Variants in NUP98 observed in about 807,000 individuals in gnomAD.
NUP98 encodes nucleoporin 98 and 96 precursor.
A neutral mutation model predicts 191.9 loss-of-function variants in NUP98; 26 were observed. The observed-to-expected ratio is 0.14, with a 90% CI of 0.10 to 0.19. The LOEUF is 0.19. NUP98 is among the 10% of genes least tolerant of loss of function. The probability of loss-of-function intolerance (pLI) is 1.00; values close to 1 mark genes in which losing one functional copy is unlikely to be tolerated. For missense variants in NUP98, 1,941 were observed against 2,178.8 expected, an observed-to-expected ratio of 0.89 and a Z score of 2.17; for synonymous variants, 808 against 778.4, an observed-to-expected ratio of 1.04 and a Z score of -0.63.
intron 11 of NUP98, among the ~76,000 whole-genome samples, chr11:3,748,586 C>T (rs2080600339): frequency 6.6e-6 from 1 of 152,278 alleles, no homozygotes; most frequent in African/African-American, 2.4e-5. Context: ...AGGCAGATCA[C>T]CTGAGGTCAG....
intron 8 of NUP98, among the ~76,000 whole-genome samples, chr11:3,763,525 A>T (rs1330325398): frequency 6.6e-6 from 1 of 152,166 alleles, no homozygotes; most frequent in Non-Finnish European, 1.5e-5. Context: ...AAATAAATCA[A>T]CACGGACCGA....
At chr11:3,722,902 A>G (rs1234079664) in intron 16 of NUP98, among the ~76,000 whole-genome samples, 1 of 152,218 alleles carries the variant, frequency 6.6e-6, no homozygotes, top group Admixed American at 6.5e-5. Context: ...CTTTGGCTAT[A>G]AAATTTGGGT....
chr11:3,680,162 A>G (rs2077940556), intron 30 of NUP98, among the ~76,000 whole-genome samples: 1 of 152,160 alleles, frequency 6.6e-6, no homozygotes, highest in Non-Finnish European at 1.5e-5. Context: ...TGGCTATGCT[A>G]ATTTCTTAAA....
chr11:3,705,422 T>C lies in NUP98; in HGVS notation c.2926-66A>G, dbSNP rs1480791362. ...ATCAAAAGGCCATACCAAAAAAAAA[T>C]GCAGTTTACAACAACCAAAAATATT... On this transcript the variant is annotated intron_variant, in intron 21 of 32. Coordinates refer to ENST00000324932, the MANE Select transcript of NUP98 (RefSeq NM_016320.5). 14 of 1,534,160 alleles carry C rather than the reference T, an allele frequency of 9.1e-6. No homozygotes were observed. In the Middle Eastern group the frequency reaches 6.0e-4, roughly 66 times the overall value.
At chr11:3,765,494 C>T (rs2134549866) in intron 8 of NUP98, among the ~76,000 whole-genome samples, 1 of 152,208 alleles carries the variant, frequency 6.6e-6, no homozygotes, top group South Asian at 2.1e-4. Context: ...TTAGGTCTTG[C>T]ACTTAGAAAT....
chr11:3,687,094 C>A (rs2078155443), intron 28 of NUP98, among the ~76,000 whole-genome samples: 1 of 152,074 alleles, frequency 6.6e-6, no homozygotes, highest in Admixed American at 6.6e-5. Flanking sequence ...CATGCCCACC[C>A]AATTTAAGAA....
intron 20 of NUP98, chr11:3,711,867 A>C: frequency 5.8e-6 from 6 of 1,035,020 alleles, no homozygotes; most frequent in Non-Finnish European, 7.0e-6. Flanking sequence ...TAAATCATAA[A>C]AACCACACAT....
At chr11:3,788,489 GC>G (rs2082218440) in intron 1 of NUP98, among the ~76,000 whole-genome samples, 1 of 152,110 alleles carries the variant, frequency 6.6e-6, no homozygotes, top group Non-Finnish European at 1.5e-5. Context: ...TACTCAGGAG[GC>G]TGAGGCAGGA....
intron 1 of NUP98, among the ~76,000 whole-genome samples, chr11:3,792,092 T>C (rs2133989987): frequency 7.5e-6 from 1 of 133,628 alleles, no homozygotes; most frequent in South Asian, 2.3e-4. Flanking sequence ...GGCAGGAGAA[T>C]GGCGTGAACC....
At position 3,703,288 on chromosome 11, in the gene NUP98, C is replaced by T. The variant is rs370557633; in HGVS notation, c.3083-396G>A. Among the ~76,000 whole-genome samples, 33 of 150,042 alleles carry T rather than the reference C, an allele frequency of 2.2e-4. No homozygotes were observed. In the East Asian group the frequency reaches 3.3e-3, roughly 15 times the overall value. ...CTAGAGTGCAGTGGCATGATCTTGG[C>T]TCACTGCAACCTCTGCCTCCTGGGT... On this transcript the variant is annotated intron_variant, in intron 22 of 32. Transcript: ENST00000324932.
At chr11:3,684,346 G>A (rs1343010533) in intron 29 of NUP98, among the ~76,000 whole-genome samples, 4 of 152,226 alleles carry the variant, frequency 2.6e-5, no homozygotes, top group South Asian at 2.1e-4. Context: ...TTGGCAGGCC[G>A]AGGCGGACAG....
At chr11:3,794,563 G>A (rs2082465421) in intron 1 of NUP98, among the ~76,000 whole-genome samples, 1 of 151,956 alleles carries the variant, frequency 6.6e-6, no homozygotes, top group African/African-American at 2.4e-5. Context: ...CTGAGCTCAG[G>A]CAATCCACCC....
rs2079945622 is a variant in NUP98, at chr11:3,733,950, T to C, written c.1542+1241A>G. ...AAATAATTGTCTAATCATTTACACATCACTTTAAAAGGTACTTTCATATTC... is the reference window on the plus strand; with the variant it reads ...AAATAATTGTCTAATCATTTACACACCACTTTAAAAGGTACTTTCATATTC... On this transcript the variant is annotated intron_variant, in intron 13 of 32. Coordinates refer to ENST00000324932, the MANE Select transcript of NUP98 (RefSeq NM_016320.5). Among the ~76,000 whole-genome samples the C allele has an allele frequency of 2.0e-5, 3 of 152,200 alleles. No homozygotes were observed. In the South Asian group the frequency reaches 6.2e-4, roughly 31 times the overall value.
chr11:3,748,945 AT>A (rs2080617647), intron 11 of NUP98, among the ~76,000 whole-genome samples: 1 of 149,788 alleles, frequency 6.7e-6, no homozygotes, highest in Non-Finnish European at 1.5e-5. Flanking sequence ...AGGAATTTTC[AT>A]TAAAAAAAAA....
At chr11:3,699,913 C>A (rs556891800) in intron 24 of NUP98, among the ~76,000 whole-genome samples, 1 of 151,958 alleles carries the variant, frequency 6.6e-6, no homozygotes, top group African/African-American at 2.4e-5. Context: ...ATTAGATAAC[C>A]CCTTTATCAA....
rs1170655129 is a variant in NUP98 at position 3,705,231 on chromosome 11, T to C, written c.3051A>G (p.Ser1017=). 6.2e-7 allele frequency: 1 copy of C among 1,614,210 alleles called. No homozygotes were observed. Among genetic ancestry groups the C allele is most frequent in the Non-Finnish European group, 8.5e-7 (1 of 1,180,036 alleles). The part of the protein sequence containing the change: ...QEICSPRLPI[S]ASHSSKTRSL... The stretch of plus-strand genomic sequence containing the variant: ...AACGAGTTTTCGACGAGTGGGATGC[T>C]GAAATGGGGAGTCTGGGAGAACAGA... Residue 1017 remains serine (S), a synonymous_variant, in exon 22 of 33, where the codon TCA becomes TCG. Coordinates refer to ENST00000324932, the MANE Select transcript of NUP98 (RefSeq NM_016320.5).
intron 11 of NUP98, among the ~76,000 whole-genome samples, chr11:3,752,607 T>C (rs1317666500): frequency 6.6e-6 from 1 of 151,722 alleles, no homozygotes; most frequent in Non-Finnish European, 1.5e-5. Flanking sequence ...AAAAACAGAT[T>C]AACTGGACAG....
chr11:3,727,738 T>A (rs61877577), intron 14 of NUP98, among the ~76,000 whole-genome samples: 10,567 of 152,044 alleles, frequency 0.069, 383 homozygotes, highest in Middle Eastern at 0.1. Context: ...ATTTTTTAAA[T>A]ATCAGCCAGG....
At chr11:3,759,023 ATATTAATCTTCCAATAGATGTT>A (rs2081073944) in intron 10 of NUP98, among the ~76,000 whole-genome samples, 1 of 151,998 alleles carries the variant, frequency 6.6e-6, no homozygotes, top group Non-Finnish European at 1.5e-5. Flanking sequence ...GTTGATAAAC[ATATTAATCTTCCAATAGATGTT>A]TAATATGATC....
Sources: gnomAD v4.1 joint callset for allele counts (sites outside exome capture counted in the v4.1 genomes callset) on GRCh38, gnomAD v4.1.1 for gene constraint, MANE v1.5 for transcripts, NCBI Gene and HGNC (gene_info 2026-07-23, HGNC 2026-07-21) for gene names.